EVC2: variants seen among roughly 807,000 people sequenced by gnomAD.
The protein encoded by EVC2 is EvC ciliary complex subunit 2.
Under a neutral mutation model 149.3 loss-of-function variants are expected in EVC2, and 148 were observed. The ratio of observed to expected loss-of-function variants is 0.99; its 90% CI spans 0.87 to 1.14. EVC2 has a LOEUF of 1.14. EVC2 is among the 50% of genes most tolerant of loss of function. The pLI, the probability that EVC2 is intolerant of heterozygous loss-of-function variation, is 0.00. For missense variants in EVC2, 1,854 were observed against 1,627.3 expected (o/e 1.14, Z -2.40); for synonymous variants, 776 against 649.9 (o/e 1.19, Z -2.95).
chr4:5,531,762 G>A, the EVC2 span, among the ~76,000 whole-genome samples: 17 of 152,056 alleles, frequency 1.1e-4, no homozygotes, highest in East Asian at 2.5e-3. Flanking sequence ...ATTATGGTGA[G>A]ATGTATAATT....
chr4:5,640,755 A>G lies in EVC2; in HGVS notation c.1229T>C (p.Leu410Pro). ...GCCACTGCTGGTGAGATTTTTCAGC[A>G]GAAGGGCAATGATATCCTTGCTGAT... ...TQISKDIIAL[L>P]LKNLTSSGHL... The change falls in exon 10 of 22, where the codon CTG becomes CCG. Residue 410 changes from leucine (L) to proline (P), a missense_variant. Physicochemically the swap from Leu to Pro is moderately conservative, Grantham distance 98. Transcript: ENST00000344408. The surrounding 1 kb of genome is among the most constrained non-coding windows in gnomAD (Gnocchi z 4.6). 1 of 1,614,208 alleles carries G rather than the reference A, an allele frequency of 6.2e-7. No homozygotes were observed. Among genetic ancestry groups the G allele is most frequent in the African/African-American group, 1.3e-5 (1 of 75,050 alleles).
At position 5,637,557 on chromosome 4, in the gene EVC2, A is replaced by C. The variant is rs779640199; in HGVS notation, c.1470+2957T>G. The stretch of plus-strand genomic sequence containing the variant: ...CGTATTTTTTAAGAGTATTTAATAA[A>C]ATCAGCAAATGTGTATACTGTGATG... On this transcript the variant is annotated intron_variant, in intron 10 of 21. Transcript: ENST00000344408. This position sits in a 1 kb window ranked among gnomAD's most constrained non-coding sequence, Gnocchi z 4.4. 6.6e-6 allele frequency among the ~76,000 whole-genome samples: 1 copy of C among 152,248 alleles called. No individual in the cohort carries two copies. Among genetic ancestry groups the C allele is most frequent in the African/African-American group, 2.4e-5 (1 of 41,472 alleles).
chr4:5,632,449 C>G (rs1431321913), intron 10 of EVC2, among the ~76,000 whole-genome samples: 2 of 152,170 alleles, frequency 1.3e-5, no homozygotes, highest in Non-Finnish European at 2.9e-5. Flanking sequence ...CCCCTGTTAT[C>G]TAAATGTTTT....
chr4:5,684,697 G>C (rs1204356535), intron 6 of EVC2, among the ~76,000 whole-genome samples: 1 of 152,186 alleles, frequency 6.6e-6, no homozygotes, highest in African/African-American at 2.4e-5. Context: ...GGGCCAGACT[G>C]TGTTTCCCAA....
intron 16 of EVC2, among the ~76,000 whole-genome samples, chr4:5,601,504 A>C (rs1294768326): frequency 6.9e-6 from 1 of 144,316 alleles, no homozygotes; most frequent in African/African-American, 2.9e-5. Flanking sequence ...GCAAAAAGAC[A>C]AATAGTAAAA....
chr4:5,659,531 A>G (rs576292371), intron 9 of EVC2, among the ~76,000 whole-genome samples: 1 of 152,278 alleles, frequency 6.6e-6, no homozygotes, highest in East Asian at 1.9e-4. Context: ...GGGGAGAGGA[A>G]GAGAGGAATG....
chr4:5,570,200 A>G (rs1722562693), intron 19 of EVC2, among the ~76,000 whole-genome samples: 1 of 152,090 alleles, frequency 6.6e-6, no homozygotes, highest in Non-Finnish European at 1.5e-5. Flanking sequence ...CCAGCACTTA[A>G]CCCCATTCCT....
downstream of EVC2, among the ~76,000 whole-genome samples, chr4:5,540,063 A>G (rs76265726): frequency 1.1e-3 from 170 of 152,368 alleles, no homozygotes; most frequent in African/African-American, 3.8e-3. Context: ...AGATCTAACC[A>G]GACACTCCAC....
At chr4:5,674,324 A>T (rs1434664075) in intron 7 of EVC2, among the ~76,000 whole-genome samples, 1 of 152,214 alleles carries the variant, frequency 6.6e-6, no homozygotes, top group African/African-American at 2.4e-5. Flanking sequence ...ACACAGCATG[A>T]TTCTGACTGC....
chr4:5,642,509 C>G (rs747339940), intron 9 of EVC2, among the ~76,000 whole-genome samples: 2 of 152,174 alleles, frequency 1.3e-5, no homozygotes, highest in African/African-American at 4.8e-5. Flanking sequence ...TCTATTGTTG[C>G]ACATTTGGAT....
At chr4:5,608,176 C>T (rs1481814173) in intron 16 of EVC2, among the ~76,000 whole-genome samples, 4 of 152,162 alleles carry the variant, frequency 2.6e-5, no homozygotes, top group East Asian at 1.9e-4. Flanking sequence ...CAATTTGGGA[C>T]TGAGGGTTGG....
At chr4:5,548,962 CTTCCTTCCTTCT>C (rs1318411985) in intron 21 of EVC2, among the ~76,000 whole-genome samples, 667 of 6,968 alleles carry the variant, frequency 0.096, 4 homozygotes, top group East Asian at 0.25. Flanking sequence ...TCCTTCCTTC[CTTCCTTCCTTCT>C]TTCTTTCTTT....
the EVC2 span, among the ~76,000 whole-genome samples, chr4:5,534,735 T>C: frequency 6.8e-6 from 1 of 146,968 alleles, no homozygotes; most frequent in African/African-American, 2.5e-5. Context: ...GCCTCTACTA[T>C]CCCCACCGGT....
chr4:5,641,368 G>C (rs1218240738), intron 9 of EVC2, among the ~76,000 whole-genome samples: 1 of 152,176 alleles, frequency 6.6e-6, no homozygotes, highest in Non-Finnish European at 1.5e-5. Flanking sequence ...TTTAACAAAT[G>C]TAACATACTA....
chr4:5,688,405 C>T (rs921390835), intron 5 of EVC2, among the ~76,000 whole-genome samples: 3 of 152,120 alleles, frequency 2.0e-5, no homozygotes, highest in Admixed American at 2.0e-4. Context: ...TTGACAGCGG[C>T]CAGCCCTATG....
chr4:5,707,461 G>A (rs959401264), intron 1 of EVC2, among the ~76,000 whole-genome samples: 2 of 152,058 alleles, frequency 1.3e-5, no homozygotes, highest in African/African-American at 4.8e-5. Context: ...TAGGAGCCTG[G>A]GTGTGCTGTC....
chr4:5,636,875 G>C lies in EVC2; in HGVS notation c.1470+3639C>G, dbSNP rs73794688. On this transcript the variant is annotated intron_variant, in intron 10 of 21. Coordinates refer to ENST00000344408, the MANE Select transcript of EVC2 (RefSeq NM_147127.5). This position sits in a 1 kb window ranked among gnomAD's most constrained non-coding sequence, Gnocchi z 4.6. ...TAATTATAAAGCAGTCTGTGGTTTT[G>C]TGAGATGGAATCACTTGCATGGACT... Among the ~76,000 whole-genome samples, 5,848 of 152,264 alleles carry C rather than the reference G, an allele frequency of 0.038. 362 individuals carry two copies. The highest frequency in any genetic ancestry group is 0.13 in the African/African-American group (5,363 of 41,518).
In EVC2 at chr4:5,633,586, G is replaced by T. The variant is rs898716883; in HGVS notation, c.1471-1554C>A. On this transcript the variant is annotated intron_variant, in intron 10 of 21. Coordinates refer to ENST00000344408, the MANE Select transcript of EVC2 (RefSeq NM_147127.5). The surrounding 1 kb of genome is among the most constrained non-coding windows in gnomAD (Gnocchi z 4.4). ...AGTGGAGCTTGTTGGTGAAGCGAAG[G>T]CAGGGAAAGGCTTACGCGTGCAGGA... Among the ~76,000 whole-genome samples, 3 of 152,214 alleles carry T rather than the reference G, an allele frequency of 2.0e-5. No individual in the cohort carries two copies. Among genetic ancestry groups the T allele is most frequent in the African/African-American group, 7.2e-5 (3 of 41,460 alleles).
At chr4:5,616,810 AG>A (rs1715291982) in intron 15 of EVC2, among the ~76,000 whole-genome samples, 1 of 152,274 alleles carries the variant, frequency 6.6e-6, no homozygotes, top group East Asian at 1.9e-4. Flanking sequence ...CTTCGCGAAA[AG>A]GAAGATGACA....
Sources: gnomAD v4.1 joint callset for allele counts (sites outside exome capture counted in the v4.1 genomes callset) on GRCh38, gnomAD v4.1.1 for gene constraint, Gnocchi (gnomAD v3.1) non-coding constraint, MANE v1.5 for transcripts, NCBI Gene and HGNC (gene_info 2026-07-23, HGNC 2026-07-21) for gene names.